AAK1: variants seen among roughly 807,000 people sequenced by gnomAD.
The protein encoded by AAK1 is AP2 associated kinase 1.
A neutral mutation model predicts 116.0 loss-of-function variants in AAK1; 37 were observed. The observed-to-expected ratio is 0.32, with a 90% confidence interval of 0.25 to 0.42. The LOEUF (loss-of-function observed/expected upper bound fraction) is 0.42, where lower values mean the gene tolerates loss of function less well. Ranked by LOEUF, AAK1 falls within the 10% of genes least tolerant of loss-of-function variation. The probability of loss-of-function intolerance (pLI) is 1.00; values close to 1 mark genes in which losing one functional copy is unlikely to be tolerated. For missense variants in AAK1, 919 were observed against 1,170.6 expected, an observed-to-expected ratio of 0.79 and a Z score of 3.14; for synonymous variants, 458 against 439.9, an observed-to-expected ratio of 1.04 and a Z score of -0.51.
intron 3 of AAK1, among the ~76,000 whole-genome samples, chr2:69,553,400 C>T (rs1199654422): frequency 6.9e-6 from 1 of 145,038 alleles, no homozygotes; most frequent in African/African-American, 2.6e-5. Flanking sequence ...CTATGATGTG[C>T]GAACATAAAA....
At chr2:69,610,123 C>T (rs1674014286) in intron 2 of AAK1, among the ~76,000 whole-genome samples, 1 of 151,260 alleles carries the variant, frequency 6.6e-6, no homozygotes, top group African/African-American at 2.4e-5. Context: ...AAACTACAGT[C>T]ATCAAAACAG....
chr2:69,625,783 G>C (rs1674869417), intron 2 of AAK1, among the ~76,000 whole-genome samples: 2 of 152,184 alleles, frequency 1.3e-5, no homozygotes, highest in South Asian at 4.1e-4. Context: ...TCATGGGCCA[G>C]GAACATCTCT....
intron 11 of AAK1, among the ~76,000 whole-genome samples, chr2:69,519,621 T>C (rs1572918185): frequency 6.6e-6 from 1 of 152,358 alleles, no homozygotes; most frequent in East Asian, 1.9e-4. Context: ...CCTGGTGTTC[T>C]ACATGTAGCT....
At position 69,599,400 on chromosome 2, in the gene AAK1, T is replaced by TAAA. The variant is rs1673457938; in HGVS notation, c.164-42423_164-42422insTTT. On this transcript the variant is annotated intron_variant, in intron 2 of 21. Transcript: ENST00000409085. ...TGTGTAAAAAAAAAAAAAAAAAAACTTCACTGAAATTATACCAAACAAAAT... is the reference window on the plus strand; with the variant it reads ...TGTGTAAAAAAAAAAAAAAAAAAACTAAATCACTGAAATTATACCAAACAAAAT... Among the ~76,000 whole-genome samples the TAAA allele has an allele frequency of 1.4e-5, 2 of 144,558 alleles. 1 individual carries two copies. Among genetic ancestry groups the TAAA allele is most frequent in the Non-Finnish European group, 3.0e-5 (2 of 66,944 alleles). 94.8% of individuals were successfully genotyped at this position (144,558 alleles called of 152,430 possible).
chr2:69,513,234 C>T (rs75669116), intron 13 of AAK1, among the ~76,000 whole-genome samples: 3,101 of 152,258 alleles, frequency 0.02, 98 homozygotes, highest in African/African-American at 0.071. Context: ...AGACAATCTA[C>T]GGCACTGCTT....
intron 16 of AAK1, chr2:69,499,955 G>T (rs1675906624): frequency 6.6e-6 from 1 of 152,128 alleles, no homozygotes; most frequent in Admixed American, 6.5e-5. Context: ...TTATACACAG[G>T]AAAACATATG....
intron 2 of AAK1, among the ~76,000 whole-genome samples, chr2:69,580,443 T>C (rs1273193617): frequency 2.0e-5 from 3 of 152,074 alleles, no homozygotes; most frequent in Admixed American, 6.5e-5. Flanking sequence ...AAGTGAAAAG[T>C]GGGAGCTGCA....
intron 2 of AAK1, among the ~76,000 whole-genome samples, chr2:69,601,698 C>T (rs1465797663): frequency 1.3e-5 from 2 of 152,124 alleles, no homozygotes; most frequent in Non-Finnish European, 2.9e-5. Flanking sequence ...GGCTTATCTG[C>T]CTAAACGGAC....
intron 2 of AAK1, among the ~76,000 whole-genome samples, chr2:69,618,473 C>G (rs1414137850): frequency 6.6e-6 from 1 of 152,158 alleles, no homozygotes; most frequent in Non-Finnish European, 1.5e-5. Flanking sequence ...CCCTCTGATG[C>G]CATATTTTCC....
intron 2 of AAK1, among the ~76,000 whole-genome samples, chr2:69,562,868 C>T (rs564339815): frequency 2.8e-4 from 43 of 152,154 alleles, no homozygotes; most frequent in South Asian, 1.7e-3. Flanking sequence ...CCAGCCTGGG[C>T]GACAGAGCGA....
rs1445190452 is a variant in AAK1 at position 69,470,932 on chromosome 2, G to C, written c.*4937C>G. Reference sequence around the variant, plus strand: ...TAAACATCATGCTCCCATTTGAACAGATAAAAGTCTTTATTCCCCTGTATG... The same window carrying C: ...TAAACATCATGCTCCCATTTGAACACATAAAAGTCTTTATTCCCCTGTATG... On this transcript the variant is annotated 3_prime_UTR_variant, in exon 22 of 22. Coordinates refer to ENST00000409085, the MANE Select transcript of AAK1 (RefSeq NM_014911.5). 1 of 985,682 alleles carries C rather than the reference G, an allele frequency of 1.0e-6. No individual in the cohort carries two copies. Among genetic ancestry groups the C allele is most frequent in the Admixed American group, 6.2e-5 (1 of 16,258 alleles). The allele number at this position is 985,682 out of a possible 1,614,324, so 61.1% of individuals were successfully genotyped here.
At chr2:69,480,124 A>G (rs1217269929) in intron 19 of AAK1, among the ~76,000 whole-genome samples, 2 of 152,112 alleles carry the variant, frequency 1.3e-5, no homozygotes, top group Admixed American at 6.5e-5. Context: ...TCAAATGAGG[A>G]TAAGGAAAAT....
chr2:69,626,216 C>T (rs1450477324), intron 2 of AAK1, among the ~76,000 whole-genome samples: 2 of 151,894 alleles, frequency 1.3e-5, no homozygotes, highest in Non-Finnish European at 2.9e-5. Context: ...ATACTCAAGA[C>T]TTGTCCATCA....
At chr2:69,530,386 C>T (rs1670203138) in intron 7 of AAK1, among the ~76,000 whole-genome samples, 1 of 152,098 alleles carries the variant, frequency 6.6e-6, no homozygotes, top group Admixed American at 6.6e-5. Flanking sequence ...CTCTTAAGAA[C>T]CAGTAACATA....
chr2:69,507,443 C>G lies in AAK1; in HGVS notation c.2142G>C (p.Lys714Asn). 1 of 1,612,852 alleles carries G rather than the reference C, an allele frequency of 6.2e-7. No individual in the cohort carries two copies. Among genetic ancestry groups the G allele is most frequent in the Non-Finnish European group, 8.5e-7 (1 of 1,179,412 alleles). Residue 714 changes from lysine to asparagine, a missense_variant, in exon 15 of 22, where the codon AAG becomes AAC. Lys to Asn is a moderately conservative substitution (Grantham distance 94, BLOSUM62 0). This residue lies in a region of AAK1 where 125 missense variants were observed against 184.1 expected (regional missense o/e 0.68). Transcript: ENST00000409085. ...SKLTAEELLN[K>N]DFAKLGEGKH... is the part of the protein sequence containing the mutation. ...CACCTTCCCCAAGCTTGGCAAAGTCCTTGTTTAGCAGTTCTTCAGCTGTGA... is the reference window on the plus strand; with the variant it reads ...CACCTTCCCCAAGCTTGGCAAAGTCGTTGTTTAGCAGTTCTTCAGCTGTGA...
At chr2:69,632,742 C>CA (rs945474961) in intron 2 of AAK1, among the ~76,000 whole-genome samples, 45 of 143,436 alleles carry the variant, frequency 3.1e-4, no homozygotes, top group Admixed American at 6.2e-4. Flanking sequence ...ACTAAAAATA[C>CA]AAAAAAAAAA....
intron 8 of AAK1, among the ~76,000 whole-genome samples, chr2:69,528,184 G>A (rs1184588174): frequency 6.6e-6 from 1 of 152,244 alleles, no homozygotes; most frequent in African/African-American, 2.4e-5. Flanking sequence ...CCTGCTGCAA[G>A]TAAATAGAGG....
chr2:69,542,392 G>A lies in AAK1; in HGVS notation c.534+131C>T, dbSNP rs1670759059. The A allele has an allele frequency of 2.6e-6, 3 of 1,147,174 alleles. No individual in the cohort carries two copies. In the East Asian group the frequency reaches 7.6e-5, roughly 29 times the overall value. The allele number at this position is 1,147,174 out of a possible 1,614,324, so 71.1% of individuals were successfully genotyped here. ...TTTCCTTTGTTATTTTCTCTCCTCA[G>A]GCAGAATATAAACATAAAAACAGGG... On this transcript the variant is annotated intron_variant, in intron 5 of 21. Transcript: ENST00000409085.
rs533663825 is a variant in AAK1 at position 69,471,161 on chromosome 2, G to A, written c.*4708C>T. On this transcript the variant is annotated 3_prime_UTR_variant, in exon 22 of 22. Transcript: ENST00000409085. ...ATAGGGCAGAGTAGAATACTCACAG[G>A]AAAAGAGTAAATTCAGGTCACTACA... 282 of 985,556 alleles carry A rather than the reference G, an allele frequency of 2.9e-4. 1 individual carries two copies. The Admixed American group carries it at 4.0e-3, about 14-fold the overall frequency. The allele number at this position is 985,556 out of a possible 1,614,324, so 61.1% of individuals were successfully genotyped here. A position where few individuals can be genotyped will look rare whatever the true frequency, so the allele number is the denominator to read the frequency against.
Sources: allele counts gnomAD v4.1 joint callset (sites outside exome capture counted in the v4.1 genomes callset), GRCh38; gene constraint gnomAD v4.1.1; regional missense constraint gnomAD v4.1.1; transcripts MANE v1.5; gene names NCBI Gene and HGNC (gene_info 2026-07-23, HGNC 2026-07-21).